SPAG16: variants seen among roughly 807,000 people sequenced by gnomAD.
The protein encoded by SPAG16 is sperm associated antigen 16, also known as sperm-associated antigen 16 protein.
A neutral mutation model predicts 80.4 loss-of-function variants in SPAG16; 86 were observed. That is an observed-to-expected ratio of 1.07 (90% CI 0.90 to 1.28). The LOEUF (loss-of-function observed/expected upper bound fraction) is 1.28, where lower values mean the gene tolerates loss of function less well. Ranked by LOEUF, SPAG16 falls within the 50% of genes most tolerant of loss-of-function variation. The probability of loss-of-function intolerance (pLI) is 0.00; values close to 1 mark genes in which losing one functional copy is unlikely to be tolerated. For missense variants in SPAG16, 870 were observed against 765.3 expected, an observed-to-expected ratio of 1.14 and a Z score of -1.61; for synonymous variants, 294 against 265.9, an observed-to-expected ratio of 1.11 and a Z score of -1.03.
At chr2:213,799,697 T>G (rs1013109770) in intron 10 of SPAG16, among the ~76,000 whole-genome samples, 2 of 152,142 alleles carry the variant, frequency 1.3e-5, no homozygotes, top group African/African-American at 4.8e-5. Context: ...AAATATAACA[T>G]AAATGATTAC....
Position 213,347,911 on chromosome 2 carries a change from G to A in SPAG16, c.645-2617G>A, listed in dbSNP as rs527366354. Among the ~76,000 whole-genome samples, 12 of 152,234 alleles carry A rather than the reference G, an allele frequency of 7.9e-5. No individual in the cohort carries two copies. In the East Asian group the frequency reaches 2.1e-3, roughly 27 times the overall value. ...TAGATGTCTATTAGGTCTGCTTGGTGTGGAGCTGAGTTCAATTCCTGGATA... is the reference window on the plus strand; with the variant it reads ...TAGATGTCTATTAGGTCTGCTTGGTATGGAGCTGAGTTCAATTCCTGGATA... On this transcript the variant is annotated intron_variant, in intron 6 of 15. Coordinates refer to ENST00000331683, the MANE Select transcript of SPAG16 (RefSeq NM_024532.5).
intron 11 of SPAG16, among the ~76,000 whole-genome samples, chr2:213,896,852 A>C (rs2077014007): frequency 6.6e-6 from 1 of 151,988 alleles, no homozygotes; most frequent in African/African-American, 2.4e-5. Context: ...ACTCATATGG[A>C]AGCTAAAAAA....
intron 10 of SPAG16, among the ~76,000 whole-genome samples, chr2:213,761,018 C>G (rs1019561210): frequency 6.6e-6 from 1 of 152,164 alleles, no homozygotes; most frequent in African/African-American, 2.4e-5. Flanking sequence ...TTATTTGGCT[C>G]CATCTCCTAA....
chr2:214,072,516 T>C (rs2050836323), intron 13 of SPAG16, among the ~76,000 whole-genome samples: 1 of 152,110 alleles, frequency 6.6e-6, no homozygotes. Context: ...CTATATACCA[T>C]TTAAGAATGA....
chr2:214,209,663 C>T (rs1213675242), intron 15 of SPAG16, among the ~76,000 whole-genome samples: 1 of 152,084 alleles, frequency 6.6e-6, no homozygotes, highest in Non-Finnish European at 1.5e-5. Context: ...GGTATTGTTA[C>T]CAATTTGACT....
intron 13 of SPAG16, among the ~76,000 whole-genome samples, chr2:214,015,628 G>A (rs1163465825): frequency 6.6e-6 from 1 of 151,382 alleles, no homozygotes; most frequent in Non-Finnish European, 1.5e-5. Flanking sequence ...AGAAAGAAAG[G>A]GCTGGTTTCT....
rs565767220 is a variant in SPAG16 at position 214,365,227 on chromosome 2, G to A, written c.1721-44913G>A. On this transcript the variant is annotated intron_variant, in intron 15 of 15. Transcript: ENST00000331683. The stretch of plus-strand genomic sequence containing the variant: ...TTATGAGTTCAATTTTGGATATAGT[G>A]AGTTTGAAGAGCAAATATGAATCTG... Among the ~76,000 whole-genome samples, 3 of 152,282 alleles carry A rather than the reference G, an allele frequency of 2.0e-5. No homozygotes were observed. The East Asian group carries it at 5.8e-4, about 29-fold the overall frequency.
At chr2:214,207,543 T>A (rs763442606) in intron 15 of SPAG16, among the ~76,000 whole-genome samples, 1 of 152,208 alleles carries the variant, frequency 6.6e-6, no homozygotes, top group Non-Finnish European at 1.5e-5. Context: ...CTTATTTTCA[T>A]TGATTTCTCA....
At chr2:213,914,241 A>G (rs1239992861) in intron 11 of SPAG16, among the ~76,000 whole-genome samples, 2 of 152,144 alleles carry the variant, frequency 1.3e-5, no homozygotes, top group Non-Finnish European at 2.9e-5. Flanking sequence ...TAACTATAGA[A>G]AGTTCATTGC....
intron 1 of SPAG16, among the ~76,000 whole-genome samples, chr2:213,295,124 C>A (rs1377726624): frequency 6.6e-6 from 1 of 152,058 alleles, no homozygotes; most frequent in African/African-American, 2.4e-5. Context: ...AAAATGAAAA[C>A]TAGGCTAATC....
At chr2:213,317,950 A>G in intron 5 of SPAG16, 1 of 155,826 alleles carries the variant, frequency 6.4e-6, no homozygotes, top group Non-Finnish European at 1.4e-5. Context: ...AAACTGCTCT[A>G]AAAATAAAGT....
At chr2:213,433,271 A>G (rs2070415607) in intron 9 of SPAG16, among the ~76,000 whole-genome samples, 1 of 152,216 alleles carries the variant, frequency 6.6e-6, no homozygotes, top group African/African-American at 2.4e-5. Context: ...CAGACGAGAA[A>G]GAATTAAAAG....
At chr2:213,403,101 C>T (rs2125347393) in intron 9 of SPAG16, among the ~76,000 whole-genome samples, 1 of 152,014 alleles carries the variant, frequency 6.6e-6, no homozygotes, top group Non-Finnish European at 1.5e-5. Context: ...TGTTTCCTGA[C>T]TTTTTAATGA....
At chr2:213,764,647 C>G (rs1005450915) in intron 10 of SPAG16, among the ~76,000 whole-genome samples, 1 of 151,954 alleles carries the variant, frequency 6.6e-6, no homozygotes, top group Non-Finnish European at 1.5e-5. Flanking sequence ...TCTGGTGTTA[C>G]TATCTTGAAT....
chr2:214,050,163 C>T (rs929271740), intron 13 of SPAG16, among the ~76,000 whole-genome samples: 9 of 152,026 alleles, frequency 5.9e-5, no homozygotes, highest in Non-Finnish European at 1.2e-4. Context: ...AAAACTACCT[C>T]TCTTAGGGAC....
intron 1 of SPAG16, among the ~76,000 whole-genome samples, chr2:213,289,318 G>A (rs1434548867): frequency 6.6e-6 from 1 of 152,198 alleles, no homozygotes; most frequent in Non-Finnish European, 1.5e-5. Context: ...ACCACCAGCT[G>A]CCATGAGCAC....
chr2:214,335,755 CTTTTTTTTTT>C (rs71037369), intron 15 of SPAG16, among the ~76,000 whole-genome samples: 3 of 90,588 alleles, frequency 3.3e-5, no homozygotes, highest in Admixed American at 1.2e-4. Flanking sequence ...TATTAGGATT[CTTTTTTTTTT>C]TTTTTTTTTT....
Position 214,038,843 on chromosome 2 carries a change from T to G in SPAG16, c.1527+24766T>G, listed in dbSNP as rs181840992. 6.7e-3 allele frequency among the ~76,000 whole-genome samples: 1,016 copies of G among 152,308 alleles called. 17 individuals are homozygous for G. Among genetic ancestry groups the G allele is most frequent in the African/African-American group, 0.023 (953 of 41,556 alleles). ...TTGCTGAGAATGATGGTTTCCAGCT[T>G]CATCCATGTGCCTACAAAGGACATG... On this transcript the variant is annotated intron_variant, in intron 13 of 15. Coordinates refer to ENST00000331683, the MANE Select transcript of SPAG16 (RefSeq NM_024532.5).
At chr2:213,825,027 A>G (rs913514170) in intron 10 of SPAG16, among the ~76,000 whole-genome samples, 1 of 151,462 alleles carries the variant, frequency 6.6e-6, no homozygotes, top group African/African-American at 2.4e-5. Context: ...CAAATTCTAT[A>G]CTGTTGGCAT....
Sources: allele counts gnomAD v4.1 joint callset (sites outside exome capture counted in the v4.1 genomes callset), GRCh38; gene constraint gnomAD v4.1.1; transcripts MANE v1.5; gene names NCBI Gene and HGNC (gene_info 2026-07-23, HGNC 2026-07-21).